The following SEMA3E variants were observed in gnomAD, a reference collection of about 807,000 sequenced individuals.
SEMA3E encodes the protein semaphorin 3E, also known as semaphorin-3E.
Under a neutral mutation model 93.6 loss-of-function variants are expected in SEMA3E, and 49 were observed. The ratio of observed to expected loss-of-function variants is 0.52; its 90% confidence interval spans 0.42 to 0.66. The LOEUF is 0.66. Among genes scored for constraint, SEMA3E ranks in the 30% least tolerant of loss-of-function variants. The pLI, the probability that SEMA3E is intolerant of heterozygous loss-of-function variation, is 0.00. For missense variants in SEMA3E, 906 were observed against 964.8 expected (o/e 0.94, Z 0.81); for synonymous variants, 363 against 330.7 (o/e 1.10, Z -1.06).
chr7:83,481,420 T>C (rs1394167270), intron 2 of SEMA3E, among the ~76,000 whole-genome samples: 3 of 152,200 alleles, frequency 2.0e-5, no homozygotes, highest in Non-Finnish European at 4.4e-5. Flanking sequence ...CTTAAAACGT[T>C]AAATCAGAAT....
intron 16 of SEMA3E, among the ~76,000 whole-genome samples, chr7:83,373,984 A>T (rs747017547): frequency 1.3e-5 from 2 of 152,084 alleles, no homozygotes; most frequent in Non-Finnish European, 1.5e-5. Context: ...AGGCAGGCAG[A>T]TCACCTGAGG....
At chr7:83,509,520 C>T (rs1170634972) in intron 1 of SEMA3E, among the ~76,000 whole-genome samples, 2 of 152,136 alleles carry the variant, frequency 1.3e-5, no homozygotes, top group East Asian at 1.9e-4. Flanking sequence ...CCTTACCCTT[C>T]CCCATGACAG....
At chr7:83,635,078 A>G (rs554087167) in intron 1 of SEMA3E, among the ~76,000 whole-genome samples, 3 of 152,162 alleles carry the variant, frequency 2.0e-5, no homozygotes, top group African/African-American at 7.2e-5. Context: ...CCAATTATAA[A>G]GTATTTGTGG....
At chr7:83,438,756 G>C (rs1206647697) in intron 4 of SEMA3E, among the ~76,000 whole-genome samples, 4 of 151,782 alleles carry the variant, frequency 2.6e-5, no homozygotes, top group Admixed American at 2.0e-4. Flanking sequence ...ATAAAAGTAG[G>C]CATTTATATA....
chr7:83,382,953 T>C (rs1787807220), intron 16 of SEMA3E, among the ~76,000 whole-genome samples: 1 of 152,010 alleles, frequency 6.6e-6, no homozygotes, highest in Non-Finnish European at 1.5e-5. Context: ...GCAAAAACTT[T>C]ATCCACATGA....
chr7:83,402,405 T>G (rs950757338), intron 10 of SEMA3E, among the ~76,000 whole-genome samples: 8 of 152,016 alleles, frequency 5.3e-5, no homozygotes, highest in Non-Finnish European at 8.8e-5. Context: ...GTACATATTT[T>G]ATAATACTGC....
At chr7:83,464,026 A>G (rs1224987175) in intron 4 of SEMA3E, among the ~76,000 whole-genome samples, 5 of 152,116 alleles carry the variant, frequency 3.3e-5, no homozygotes, top group Non-Finnish European at 5.9e-5. Flanking sequence ...GTCAGACATA[A>G]TTCCTCAGTT....
At chr7:83,580,693 C>T (rs1792501647) in intron 1 of SEMA3E, among the ~76,000 whole-genome samples, 1 of 151,966 alleles carries the variant, frequency 6.6e-6, no homozygotes, top group Admixed American at 6.6e-5. Flanking sequence ...TCCATGCTTC[C>T]TTAATCCTCT....
chr7:83,645,978 T>A (rs1053224867), intron 1 of SEMA3E, among the ~76,000 whole-genome samples: 4 of 151,974 alleles, frequency 2.6e-5, no homozygotes, highest in African/African-American at 9.7e-5. Context: ...ATCTTAAAAG[T>A]GAAGAATATG....
At chr7:83,579,153 G>A (rs1377027227) in intron 1 of SEMA3E, among the ~76,000 whole-genome samples, 1 of 152,032 alleles carries the variant, frequency 6.6e-6, no homozygotes, top group Non-Finnish European at 1.5e-5. Context: ...TTTCAAAAAT[G>A]ACACATTATT....
intron 1 of SEMA3E, among the ~76,000 whole-genome samples, chr7:83,599,753 C>T (rs1792944290): frequency 6.6e-6 from 1 of 152,078 alleles, no homozygotes; most frequent in South Asian, 2.1e-4. Flanking sequence ...CTATGGTGTT[C>T]CAACCATGTT....
chr7:83,394,876 G>A (rs1055201524), intron 12 of SEMA3E, among the ~76,000 whole-genome samples: 1 of 152,142 alleles, frequency 6.6e-6, no homozygotes, highest in Admixed American at 6.6e-5. Context: ...ACCAGAGGAA[G>A]GACAATTTAT....
At chr7:83,471,774 A>G (rs2722989) in intron 2 of SEMA3E, among the ~76,000 whole-genome samples, 104,087 of 151,804 alleles carry the variant, frequency 0.69, 37,172 homozygotes, top group Non-Finnish European at 0.79. Context: ...CAAAAATCCC[A>G]TTTCAGTAAT....
intron 4 of SEMA3E, among the ~76,000 whole-genome samples, chr7:83,431,103 A>G (rs3043127): frequency 0.2 from 29,409 of 147,274 alleles, 3,416 homozygotes; most frequent in Middle Eastern, 0.33. Flanking sequence ...AGAAAAAAAA[A>G]AAAAGCCCAA....
At chr7:83,483,894 A>T (rs1173413219) in intron 2 of SEMA3E, among the ~76,000 whole-genome samples, 3 of 152,280 alleles carry the variant, frequency 2.0e-5, no homozygotes, top group South Asian at 2.1e-4. Context: ...ATCATGACGT[A>T]CCGCTGTTGA....
intron 2 of SEMA3E, among the ~76,000 whole-genome samples, chr7:83,479,325 T>C (rs1790092707): frequency 6.6e-6 from 1 of 152,234 alleles, no homozygotes; most frequent in African/African-American, 2.4e-5. Flanking sequence ...GCATTTTATT[T>C]GAACCTTTAT....
intron 1 of SEMA3E, among the ~76,000 whole-genome samples, chr7:83,548,148 C>A (rs1314088036): frequency 6.6e-6 from 1 of 152,052 alleles, no homozygotes; most frequent in East Asian, 1.9e-4. Context: ...GAGGCCTTTC[C>A]TTTCTCCATT....
intron 1 of SEMA3E, among the ~76,000 whole-genome samples, chr7:83,548,059 A>T (rs1291508394): frequency 6.6e-6 from 1 of 152,094 alleles, no homozygotes; most frequent in Non-Finnish European, 1.5e-5. Context: ...TGAACCAGAG[A>T]TTTAGTCTCC....
intron 1 of SEMA3E, among the ~76,000 whole-genome samples, chr7:83,623,111 G>A (rs1043796596): frequency 6.6e-6 from 1 of 152,098 alleles, no homozygotes; most frequent in Non-Finnish European, 1.5e-5. Flanking sequence ...ATGTGAGGAG[G>A]TTACCAAAAT....
Sources: gnomAD v4.1 joint callset for allele counts (sites outside exome capture counted in the v4.1 genomes callset) on GRCh38, gnomAD v4.1.1 for gene constraint, MANE v1.5 for transcripts, NCBI Gene and HGNC (gene_info 2026-07-23, HGNC 2026-07-21) for gene names.